Variants in PGAP2 observed in about 807,000 individuals in gnomAD.
PGAP2 encodes post-GPI attachment to proteins 2.
PGAP2 carries 21 observed loss-of-function variants against 33.2 expected under a neutral mutation model. The ratio of observed to expected loss-of-function variants is 0.63; its 90% CI spans 0.45 to 0.91. PGAP2 has a LOEUF of 0.91. Among genes scored for constraint, PGAP2 ranks in the 40% least tolerant of loss-of-function variants. The pLI is 0.00. For missense variants in PGAP2, 345 were observed against 424.0 expected, an observed-to-expected ratio of 0.81 and a Z score of 1.64; for synonymous variants, 161 against 172.9, an observed-to-expected ratio of 0.93 and a Z score of 0.54.
upstream of PGAP2, chr11:3,807,880 C>A: frequency 4.9e-6 from 1 of 203,754 alleles, no homozygotes; most frequent in Non-Finnish European, 9.0e-6. Flanking sequence ...CAAGTTCTTT[C>A]ATGGGTCAGT....
At chr11:3,822,841 T>C (rs894631355) in intron 3 of PGAP2, 7 of 864,618 alleles carry the variant, frequency 8.1e-6, no homozygotes, top group African/African-American at 1.7e-5. Context: ...TCCCCCATCC[T>C]TTCACCTCTC....
At chr11:3,809,885 C>G (rs141681501) in intron 1 of PGAP2, among the ~76,000 whole-genome samples, 80 of 152,324 alleles carry the variant, frequency 5.3e-4, no homozygotes, top group Non-Finnish European at 8.8e-4. Context: ...CTGGCTTGTT[C>G]TGGAATGCCA....
chr11:3,823,475 C>A, intron 3 of PGAP2: 1 of 842,468 alleles, frequency 1.2e-6, no homozygotes, highest in Non-Finnish European at 1.9e-6. Flanking sequence ...TCTAAGGAAG[C>A]TCAGATGGTC....
At chr11:3,803,825 G>A (rs1030911951), upstream of PGAP2, among the ~76,000 whole-genome samples, 3 of 138,546 alleles carry the variant, frequency 2.2e-5, no homozygotes, top group African/African-American at 8.1e-5. Context: ...CAGTCTCATT[G>A]TGTCGCCCAG....
chr11:3,801,456 C>A (rs1271045494), intron 1 of PGAP2, among the ~76,000 whole-genome samples: 1 of 149,322 alleles, frequency 6.7e-6, no homozygotes, highest in African/African-American at 2.5e-5. Context: ...TCCTGGCTAA[C>A]ATGGTGAAAC....
upstream of PGAP2, among the ~76,000 whole-genome samples, chr11:3,805,162 T>C (rs1458999279): frequency 6.6e-6 from 1 of 152,036 alleles, no homozygotes; most frequent in Non-Finnish European, 1.5e-5. Context: ...GTGGCTGACA[T>C]GTCTAATCAT....
intron 3 of PGAP2, among the ~76,000 whole-genome samples, chr11:3,820,299 T>C (rs912427832): frequency 1.1e-4 from 16 of 152,206 alleles, no homozygotes; most frequent in African/African-American, 3.9e-4. Flanking sequence ...TTGCATTCTT[T>C]ACAGGAAATT....
At chr11:3,817,831 G>A (rs777823654) in intron 3 of PGAP2, 27 of 551,432 alleles carry the variant, frequency 4.9e-5, no homozygotes, top group South Asian at 4.1e-4. Flanking sequence ...TGGATCACTC[G>A]AGTTCAGTTC....
upstream of PGAP2, among the ~76,000 whole-genome samples, chr11:3,804,712 A>AT (rs199999434): frequency 0.015 from 2,263 of 151,978 alleles, 64 homozygotes; most frequent in African/African-American, 0.052. Flanking sequence ...GTATTTATTT[A>AT]TTTTTTTGAG....
intron 2 of PGAP2, among the ~76,000 whole-genome samples, chr11:3,814,300 A>G (rs184730253): frequency 6.6e-6 from 1 of 152,290 alleles, no homozygotes; most frequent in Non-Finnish European, 1.5e-5. Flanking sequence ...TCTGTCGCCT[A>G]GGCTGGAGTG....
In PGAP2 at chr11:3,808,599, C is replaced by A. The variant is rs959974822; in HGVS notation, c.-63C>A. The stretch of plus-strand genomic sequence containing the variant: ...CAGCCCGCAGAGCCAGCCCCCGACC[C>A]CGGGCCACCTGGGCCCCCGGGTTCC... On this transcript the variant is annotated 5_prime_UTR_variant, in exon 1 of 7. Transcript: ENST00000278243. 1 of 1,338,994 alleles carries A rather than the reference C, an allele frequency of 7.5e-7. No individual in the cohort carries two copies. The highest frequency in any genetic ancestry group is 1.5e-5 in the African/African-American group (1 of 65,394). The allele number at this position is 1,338,994 out of a possible 1,614,324, so 82.9% of individuals were successfully genotyped here.
Position 3,797,983 on chromosome 11 carries a change from G to T in PGAP2, c.139+1G>T, listed in dbSNP as rs2082793018. On this transcript the variant is annotated splice_donor_variant, in intron 1 of 6. Transcript: ENST00000300730. LOFTEE classifies it high-confidence loss of function. ...AGAGGGACGGCCCCAGAATGGCATG[G>T]TAACTATTCGACCCTTTCCTTGCCC... 1 of 1,545,576 alleles carries T rather than the reference G, an allele frequency of 6.5e-7. No individual in the cohort carries two copies. Among genetic ancestry groups the T allele is most frequent in the Non-Finnish European group, 8.7e-7 (1 of 1,144,302 alleles).
intron 2 of PGAP2, among the ~76,000 whole-genome samples, chr11:3,812,845 G>A (rs529908120): frequency 2.0e-5 from 3 of 152,164 alleles, no homozygotes; most frequent in Non-Finnish European, 2.9e-5. Flanking sequence ...TGGGTGTTGA[G>A]GTATGGACAC....
rs998798328 is a variant in PGAP2 at position 3,821,225 on chromosome 11, A to G, written c.349-2658A>G. Among the ~76,000 whole-genome samples the G allele has an allele frequency of 2.6e-5, 4 of 152,236 alleles. No individual in the cohort carries two copies. In the South Asian group the frequency reaches 6.2e-4, roughly 24 times the overall value. On this transcript the variant is annotated intron_variant, in intron 3 of 6. Transcript: ENST00000278243. ...CCCAGGCCTACCTGTGGGCTGCCCT[A>G]TGAGCCGCCTGCAGCATTGCTCACC...
At chr11:3,824,708 A>G in intron 5 of PGAP2, 2 of 1,019,252 alleles carry the variant, frequency 2.0e-6, no homozygotes, top group Non-Finnish European at 2.8e-6. Flanking sequence ...CGCCCCACCC[A>G]TGTACATGGG....
At chr11:3,803,177 G>A (rs1192231043) in intron 1 of PGAP2, among the ~76,000 whole-genome samples, 1 of 151,858 alleles carries the variant, frequency 6.6e-6, no homozygotes, top group Non-Finnish European at 1.5e-5. Context: ...GTATTTAGTA[G>A]AGACAGGGTT....
intron 1 of PGAP2, among the ~76,000 whole-genome samples, chr11:3,803,437 TG>T (rs1239851265): frequency 1.3e-5 from 2 of 150,694 alleles, no homozygotes; most frequent in African/African-American, 2.4e-5. Flanking sequence ...ATTTTTGTTT[TG>T]TTTTTTTGAG....
At position 3,825,575 on chromosome 11, in the gene PGAP2, G is replaced by GT. The variant is rs1264374064; in HGVS notation, c.*118dup. 3 of 1,158,096 alleles carry GT rather than the reference G, an allele frequency of 2.6e-6. No homozygotes were observed. In the African/African-American group the frequency reaches 4.6e-5, roughly 18 times the overall value. 71.7% of individuals were successfully genotyped at this position (1,158,096 alleles called of 1,614,324 possible). A position where few individuals can be genotyped will look rare whatever the true frequency, so the allele number is the denominator to read the frequency against. ...TGGCCTTACTGAAGATGGGGGAAGG[G>GT]TAAGAAGGAAGGGTGTAGGCCAAGG... On this transcript the variant is annotated 3_prime_UTR_variant, in exon 7 of 7. Transcript: ENST00000278243.
At position 3,819,550 on chromosome 11, in the gene PGAP2, C is replaced by G. The variant is rs111991248; in HGVS notation, c.348+2015C>G. Among the ~76,000 whole-genome samples the G allele has an allele frequency of 9.3e-4, 141 of 152,056 alleles. 1 individual carries two copies. Among genetic ancestry groups the G allele is most frequent in the African/African-American group, 3.2e-3 (133 of 41,482 alleles). ...ATGTGGGGGGACTTTTACCTGAGGC[C>G]AAAGGAATGAATCTTATGGTGAAAT... is the stretch of plus-strand genomic sequence containing the variant. On this transcript the variant is annotated intron_variant, in intron 3 of 6. Coordinates refer to ENST00000278243, the MANE Select transcript of PGAP2 (RefSeq NM_014489.4).
Sources: allele counts gnomAD v4.1 joint callset (sites outside exome capture counted in the v4.1 genomes callset), GRCh38; gene constraint gnomAD v4.1.1; transcripts MANE v1.5; gene names NCBI Gene and HGNC (gene_info 2026-07-23, HGNC 2026-07-21).